Variants in TMEM223 observed in about 807,000 individuals in gnomAD.
The protein encoded by TMEM223 is transmembrane protein 223.
A neutral mutation model predicts 14.1 loss-of-function variants in TMEM223; 14 were observed. The observed-to-expected ratio is 0.99, with a 90% CI of 0.66 to 1.55. The LOEUF is 1.55. TMEM223 is among the 40% of genes most tolerant of loss of function. The pLI is 0.00. For synonymous variants in TMEM223, 145 were observed against 120.5 expected, an observed-to-expected ratio of 1.20 and a Z score of -1.33; for missense variants, 346 against 269.9, an observed-to-expected ratio of 1.28 and a Z score of -1.97.
intron 1 of TMEM223, chr11:62,776,285 C>A: frequency 8.2e-7 from 1 of 1,222,698 alleles, no homozygotes; most frequent in Non-Finnish European, 1.2e-6. Flanking sequence ...AGCGTGGTCT[C>A]CTGTTTGCCT....
chr11:62,779,786 T>C lies in TMEM223; in HGVS notation c.315-5121A>G, dbSNP rs1590934980. ...GTTCAAGCAATTCTCCCACCTCAGCTTCCCAAGTAGCTGGGATTACAGGGG... is the reference window on the plus strand; with the variant it reads ...GTTCAAGCAATTCTCCCACCTCAGCCTCCCAAGTAGCTGGGATTACAGGGG... On this transcript the variant is annotated intron_variant, in intron 1 of 2. Coordinates refer to the TMEM223 transcript ENST00000528367. 4.0e-5 allele frequency among the ~76,000 whole-genome samples: 6 copies of C among 150,838 alleles called. No individual in the cohort carries two copies. The East Asian group carries it at 1.2e-3, about 30-fold the overall frequency.
downstream of TMEM223, chr11:62,786,785 C>T (rs989447528): frequency 1.1e-5 from 17 of 1,611,666 alleles, no homozygotes; most frequent in Admixed American, 5.0e-5. Flanking sequence ...GACAGCTTGG[C>T]CACACGCTTT....
At chr11:62,773,210 C>T (rs759582418) in intron 2 of TMEM223, among the ~76,000 whole-genome samples, 5 of 151,116 alleles carry the variant, frequency 3.3e-5, no homozygotes, top group African/African-American at 1.2e-4. Flanking sequence ...TGCAGTGGTG[C>T]GATCTTGGCT....
intron 1 of TMEM223, 115 bp from the exon 2 acceptor site, chr11:62,791,030 CT>C (rs370292241): frequency 0.011 from 10,755 of 1,006,068 alleles, no homozygotes; most frequent in South Asian, 0.017. Flanking sequence ...TTACTGAGCG[CT>C]TTTTTTTTTG....
At chr11:62,787,253 G>T (rs773379490), downstream of TMEM223, 6 of 1,566,046 alleles carry the variant, frequency 3.8e-6, no homozygotes, top group African/African-American at 1.4e-5. Flanking sequence ...CGCCCCGCCC[G>T]CCGGTGGGCG....
At chr11:62,786,278 T>C (rs1253615393), downstream of TMEM223, 7 of 1,613,712 alleles carry the variant, frequency 4.3e-6, no homozygotes, top group Non-Finnish European at 5.9e-6. Context: ...ACGAGTCCTG[T>C]ACCCACACCT....
At chr11:62,781,984 G>A in intron 1 of TMEM223, 2 of 1,613,398 alleles carry the variant, frequency 1.2e-6, no homozygotes, top group South Asian at 2.2e-5. Flanking sequence ...TGACCAGGCT[G>A]GGACAGGGAG....
intron 1 of TMEM223, among the ~76,000 whole-genome samples, chr11:62,775,341 G>A (rs117073087): frequency 0.014 from 2,107 of 152,282 alleles, 26 homozygotes; most frequent in Non-Finnish European, 0.022. Context: ...CTCTTGACAC[G>A]TGGGGATTAT....
At chr11:62,783,053 G>T (rs1447373815), downstream of TMEM223, among the ~76,000 whole-genome samples, 1 of 152,072 alleles carries the variant, frequency 6.6e-6, no homozygotes, top group East Asian at 1.9e-4. Context: ...ATAAATTCCT[G>T]CCCGTTCTAT....
At chr11:62,776,773 C>G (rs1414713699) in intron 1 of TMEM223, among the ~76,000 whole-genome samples, 2 of 150,784 alleles carry the variant, frequency 1.3e-5, no homozygotes, top group African/African-American at 4.9e-5. Flanking sequence ...ATCGCTTGAA[C>G]CTAGCAGGCA....
intron 1 of TMEM223, among the ~76,000 whole-genome samples, chr11:62,780,345 T>C (rs575353769): frequency 1.3e-5 from 2 of 151,002 alleles, no homozygotes; most frequent in African/African-American, 4.9e-5. Flanking sequence ...ACCCCGTCTC[T>C]ACTAAAAATA....
intron 1 of TMEM223, among the ~76,000 whole-genome samples, chr11:62,779,557 C>G (rs971039685): frequency 2.6e-5 from 4 of 152,034 alleles, no homozygotes; most frequent in African/African-American, 9.7e-5. Context: ...AACTCCCGAC[C>G]TCAGGTGATC....
chr11:62,787,440 G>C (rs758543702), downstream of TMEM223: 18 of 1,568,442 alleles, frequency 1.1e-5, no homozygotes, highest in Admixed American at 1.8e-5. Context: ...CCATGGCGCT[G>C]TCCTGGCTGC....
intron 1 of TMEM223, chr11:62,782,316 G>T (rs764974653): frequency 1.9e-6 from 3 of 1,613,656 alleles, no homozygotes; most frequent in South Asian, 2.2e-5. Flanking sequence ...CTGCCCTCCT[G>T]CTCAGCCACA....
chr11:62,773,976 G>A (rs1179683558), intron 2 of TMEM223, among the ~76,000 whole-genome samples: 4 of 152,188 alleles, frequency 2.6e-5, no homozygotes, highest in Non-Finnish European at 5.9e-5. Flanking sequence ...GGACACAGGT[G>A]GGAATACAGA....
chr11:62,787,104 C>CT, downstream of TMEM223: 1 of 1,547,780 alleles, frequency 6.5e-7, no homozygotes, highest in Non-Finnish European at 8.7e-7. Flanking sequence ...GCGCCCCGCA[C>CT]TTTCGTTTCA....
At chr11:62,778,987 G>A in intron 1 of TMEM223, 4 of 1,597,886 alleles carry the variant, frequency 2.5e-6, no homozygotes, top group Non-Finnish European at 2.6e-6. Context: ...CCCAAGTTGG[G>A]GCACAAAGTT....
intron 1 of TMEM223, among the ~76,000 whole-genome samples, chr11:62,776,991 A>C (rs2084192922): frequency 1.3e-5 from 2 of 152,024 alleles, no homozygotes; most frequent in African/African-American, 2.4e-5. Flanking sequence ...TACTAAAAAT[A>C]CAAAAATTAG....
In TMEM223 at chr11:62,778,735, C is replaced by G. The variant is rs2084205081; in HGVS notation, c.315-4070G>C. On this transcript the variant is annotated intron_variant, in intron 1 of 2. Transcript: ENST00000528367. ...GCTGAGCAGGCTCTAAGAGCAGTCT[C>G]TTGCCCTGGTTGTCCTGTCAGAAAG... 26 of 773,692 alleles carry G rather than the reference C, an allele frequency of 3.4e-5. 1 individual carries two copies. In the South Asian group the frequency reaches 3.8e-4, roughly 11 times the overall value. The allele number at this position is 773,692 out of a possible 1,614,324, so 47.9% of individuals were successfully genotyped here. A position where few individuals can be genotyped will look rare whatever the true frequency, so the allele number is the denominator to read the frequency against.
Sources: allele counts gnomAD v4.1 joint callset (sites outside exome capture counted in the v4.1 genomes callset), GRCh38; gene constraint gnomAD v4.1.1; transcripts MANE v1.5; gene names NCBI Gene and HGNC (gene_info 2026-07-23, HGNC 2026-07-21).